PRDM16: variants seen among roughly 807,000 people sequenced by gnomAD.
The protein encoded by PRDM16 is histone-lysine N-methyltransferase PRDM16.
PRDM16 carries 23 observed loss-of-function variants against 110.6 expected under a neutral mutation model. That is an observed-to-expected ratio of 0.21 (90% confidence interval 0.15 to 0.29). The LOEUF is 0.29. Among genes scored for constraint, PRDM16 ranks in the 10% least tolerant of loss-of-function variants. The pLI is 1.00. For synonymous variants in PRDM16, 799 were observed against 781.8 expected (o/e 1.02, Z -0.37); for missense variants, 1,615 against 1,794.3 (o/e 0.90, Z 1.81).
chr1:3,384,262 C>CCCTGCCCTCCCT (rs1231147851), intron 3 of PRDM16, among the ~76,000 whole-genome samples: 1 of 152,224 alleles, frequency 6.6e-6, no homozygotes, highest in Non-Finnish European at 1.5e-5. Context: ...ATCCCCTGCC[C>CCCTGCCCTCCCT]CCTGCCCTCC....
In PRDM16 at chr1:3,358,959, G is replaced by A. The variant is rs547270530; in HGVS notation, c.439-26193G>A. On this transcript the variant is annotated intron_variant, in intron 3 of 16. Coordinates refer to ENST00000270722, the MANE Select transcript of PRDM16 (RefSeq NM_022114.4). The surrounding 1 kb of genome is among the most constrained non-coding windows in gnomAD (Gnocchi z 4.0). ...GGAATCAGAGGGGGAAAGCACAGCC[G>A]CTGTGGCTCATGTTGTCATCTTGGG... Among the ~76,000 whole-genome samples, 17 of 152,344 alleles carry A rather than the reference G, an allele frequency of 1.1e-4. No individual in the cohort carries two copies. Among genetic ancestry groups the A allele is most frequent in the South Asian group, 6.2e-4 (3 of 4,826 alleles).
intron 3 of PRDM16, among the ~76,000 whole-genome samples, chr1:3,279,065 G>A (rs1640652802): frequency 6.6e-6 from 1 of 152,210 alleles, no homozygotes; most frequent in South Asian, 2.1e-4. Flanking sequence ...TTCTCTCCAT[G>A]TCAACTTTGC....
At chr1:3,366,350 G>A (rs1642816052) in intron 3 of PRDM16, among the ~76,000 whole-genome samples, 2 of 152,222 alleles carry the variant, frequency 1.3e-5, no homozygotes, top group African/African-American at 4.8e-5. Context: ...ACTCTCTGTG[G>A]GTTCTGCCTT....
At position 3,069,254 on chromosome 1, in the gene PRDM16, G is replaced by C. The variant is rs758567473; in HGVS notation, c.-6G>C. On this transcript the variant is annotated 5_prime_UTR_variant, in exon 1 of 17. Transcript: ENST00000270722. This position sits in a 1 kb window ranked among gnomAD's most constrained non-coding sequence, Gnocchi z 6.1. ...GAGGAGGAGAGAGATTCCGCGAGCC[G>C]ACACCATGCGATCCAAGGCGAGGGC... 3 of 1,575,660 alleles carry C rather than the reference G, an allele frequency of 1.9e-6. No individual in the cohort carries two copies. The highest frequency in any genetic ancestry group is 3.4e-4 in the Middle Eastern group (2 of 5,938).
intron 3 of PRDM16, among the ~76,000 whole-genome samples, chr1:3,340,288 C>G (rs1642246026): frequency 6.6e-6 from 1 of 152,064 alleles, no homozygotes; most frequent in Non-Finnish European, 1.5e-5. Context: ...CACCATTGCC[C>G]CTCGGAGGGA....
At chr1:3,220,442 A>G (rs1204340253) in intron 2 of PRDM16, among the ~76,000 whole-genome samples, 1 of 152,210 alleles carries the variant, frequency 6.6e-6, no homozygotes, top group Non-Finnish European at 1.5e-5. Context: ...CTGGTCACGC[A>G]GGACCAGCAC....
At chr1:3,329,109 C>T (rs1641987555) in intron 3 of PRDM16, among the ~76,000 whole-genome samples, 1 of 152,218 alleles carries the variant, frequency 6.6e-6, no homozygotes, top group Non-Finnish European at 1.5e-5. Context: ...CCACCTCTGC[C>T]CCCAAGGGCC....
rs898916513 is a variant in PRDM16 at position 3,393,807 on chromosome 1, A to C, written c.574-2684A>C. Among the ~76,000 whole-genome samples the C allele has an allele frequency of 3.3e-5, 5 of 151,868 alleles. No homozygotes were observed. The South Asian group carries it at 1.0e-3, about 32-fold the overall frequency. On this transcript the variant is annotated intron_variant, in intron 4 of 16. Transcript: ENST00000270722. Reference sequence around the variant, plus strand: ...GAAAAGTTTGCGCGGATTCCCGTTCACCTCTGACCCCCGAAGCAGTTGGAG... The same window carrying C: ...GAAAAGTTTGCGCGGATTCCCGTTCCCCTCTGACCCCCGAAGCAGTTGGAG...
rs1362322961 is a variant in PRDM16 at position 3,417,938 on chromosome 1, C to A, written c.2802C>A (p.Ser934=). 3.1e-6 allele frequency: 5 copies of A among 1,613,166 alleles called. No individual in the cohort carries two copies. The highest frequency in any genetic ancestry group is 4.2e-6 in the Non-Finnish European group (5 of 1,179,752). ...PLPHHPFNFR[S]PPPTLSDPIL... is the part of the protein sequence containing the mutation. The stretch of plus-strand genomic sequence containing the variant: ...CCCACCACCCCTTCAACTTCCGGTC[C>A]CCACCCCCAACGCTCTCCGACCCCA... The change falls in exon 11 of 17, where the codon TCC becomes TCA. Residue 934 remains serine, a synonymous_variant. Coordinates refer to ENST00000270722, the MANE Select transcript of PRDM16 (RefSeq NM_022114.4).
intron 3 of PRDM16, among the ~76,000 whole-genome samples, chr1:3,311,519 A>C (rs2100416648): frequency 6.6e-6 from 1 of 152,360 alleles, no homozygotes; most frequent in East Asian, 1.9e-4. Context: ...GAGAAAGAGA[A>C]GAAATGATGA....
Position 3,121,522 on chromosome 1 carries a change from G to A in PRDM16, c.37+52226G>A, listed in dbSNP as rs529089669. On this transcript the variant is annotated intron_variant, in intron 1 of 16. Coordinates refer to ENST00000270722, the MANE Select transcript of PRDM16 (RefSeq NM_022114.4). ...AGCAAACCGTTTCTGTGGAGACTCC[G>A]AACGTCGCCTGCCTCCTGCAAGGCC... 9.2e-5 allele frequency among the ~76,000 whole-genome samples: 14 copies of A among 152,348 alleles called. No individual in the cohort carries two copies. In the South Asian group the frequency reaches 1.4e-3, roughly 16 times the overall value.
chr1:3,146,527 G>T (rs941870365), intron 1 of PRDM16, among the ~76,000 whole-genome samples: 8 of 149,358 alleles, frequency 5.4e-5, no homozygotes, highest in African/African-American at 1.2e-4. Context: ...TCGGTGTGGG[G>T]TGTGTGTGCA....
intron 2 of PRDM16, 138 bp downstream of exon 2, chr1:3,186,612 C>A: frequency 1.7e-6 from 1 of 598,884 alleles, no homozygotes. Flanking sequence ...CATTTCCCAG[C>A]CTATTTTATC....
intron 4 of PRDM16, among the ~76,000 whole-genome samples, chr1:3,395,592 G>T (rs1044994079): frequency 6.6e-5 from 10 of 152,178 alleles, no homozygotes; most frequent in African/African-American, 2.4e-4. Context: ...CACACCTGCC[G>T]CCAGACACTC....
At position 3,192,419 on chromosome 1, in the gene PRDM16, G is replaced by C. The variant is rs961221623; in HGVS notation, c.387+5945G>C. On this transcript the variant is annotated intron_variant, in intron 2 of 16. Transcript: ENST00000270722. ...TCAGGGTGTTAGGAGGAGACCCTAA[G>C]GAGTCAGCCCCTACATCCAGACCTC... 3.9e-5 allele frequency among the ~76,000 whole-genome samples: 6 copies of C among 152,318 alleles called. No homozygotes were observed. In the South Asian group the frequency reaches 1.2e-3, roughly 32 times the overall value.
At chr1:3,349,061 G>T (rs1031506305) in intron 3 of PRDM16, among the ~76,000 whole-genome samples, 1 of 152,222 alleles carries the variant, frequency 6.6e-6, no homozygotes, top group African/African-American at 2.4e-5. Context: ...GGAGAGGCTG[G>T]GGCTTTGTAA....
chr1:3,312,289 GC>G (rs1249976961), intron 3 of PRDM16, among the ~76,000 whole-genome samples: 2 of 152,262 alleles, frequency 1.3e-5, no homozygotes, highest in Non-Finnish European at 2.9e-5. Flanking sequence ...AGGAGGAGCA[GC>G]CCAGCACTCA....
At chr1:3,194,115 G>C (rs930291520) in intron 2 of PRDM16, among the ~76,000 whole-genome samples, 1 of 152,234 alleles carries the variant, frequency 6.6e-6, no homozygotes, top group African/African-American at 2.4e-5. Context: ...GCACCAGACC[G>C]CCGGGCAAGG....
intron 3 of PRDM16, among the ~76,000 whole-genome samples, chr1:3,367,496 C>G (rs1642837005): frequency 6.6e-6 from 1 of 152,170 alleles, no homozygotes; most frequent in Non-Finnish European, 1.5e-5. Flanking sequence ...TTCAGCTGAT[C>G]CCAGGCCTAA....
Sources: gnomAD v4.1 joint callset for allele counts (sites outside exome capture counted in the v4.1 genomes callset) on GRCh38, gnomAD v4.1.1 for gene constraint, Gnocchi (gnomAD v3.1) non-coding constraint, MANE v1.5 for transcripts, NCBI Gene and HGNC (gene_info 2026-07-23, HGNC 2026-07-21) for gene names.